The following HMGA2 variants were observed in gnomAD, a reference collection of about 807,000 sequenced individuals.
HMGA2 encodes high mobility group protein HMGI-C.
A neutral mutation model predicts 19.1 loss-of-function variants in HMGA2; 8 were observed. The observed-to-expected ratio is 0.42, with a 90% CI of 0.25 to 0.76. HMGA2 has a LOEUF of 0.76. Ranked by LOEUF, HMGA2 falls within the 30% of genes least tolerant of loss-of-function variation. HMGA2 has a pLI of 0.28. For missense variants in HMGA2, 109 were observed against 136.3 expected (o/e 0.80, Z 1.00); for synonymous variants, 60 against 48.8 (o/e 1.23, Z -0.96).
intron 3 of HMGA2, chr12:65,942,489 ACATT>A (rs995836715): frequency 6.6e-6 from 1 of 152,288 alleles, no homozygotes; most frequent in South Asian, 2.1e-4. Flanking sequence ...TAGGACTGAA[ACATT>A]CATTATTTTC....
chr12:65,916,949 G>T (rs1875124026), intron 3 of HMGA2, among the ~76,000 whole-genome samples: 1 of 152,148 alleles, frequency 6.6e-6, no homozygotes, highest in South Asian at 2.1e-4. Context: ...AATAAAATCT[G>T]GTTTTGACAC....
chr12:65,851,533 C>T, intron 3 of HMGA2: 1 of 303,002 alleles, frequency 3.3e-6, no homozygotes, highest in Non-Finnish European at 6.6e-6. Flanking sequence ...AAAACAAAAA[C>T]CAAGAAATTA....
intron 3 of HMGA2, among the ~76,000 whole-genome samples, chr12:65,917,357 ACAGCTTCCATAAAAG>A (rs1253195314): frequency 6.6e-6 from 1 of 152,194 alleles, no homozygotes; most frequent in Non-Finnish European, 1.5e-5. Context: ...ATGGTGTTTG[ACAGCTTCCATAAAAG>A]CAAATGACAA....
chr12:65,916,425 C>T (rs1875104314), intron 3 of HMGA2, among the ~76,000 whole-genome samples: 1 of 152,146 alleles, frequency 6.6e-6, no homozygotes, highest in Non-Finnish European at 1.5e-5. Flanking sequence ...TTACATTTAT[C>T]TTGTCTGCAT....
chr12:65,903,692 G>A (rs1269648952), intron 3 of HMGA2, among the ~76,000 whole-genome samples: 1 of 152,080 alleles, frequency 6.6e-6, no homozygotes, highest in Non-Finnish European at 1.5e-5. Context: ...CTGTATCCGT[G>A]GACCTACAGA....
intron 3 of HMGA2, among the ~76,000 whole-genome samples, chr12:65,870,039 C>T (rs997870042): frequency 6.6e-6 from 1 of 151,532 alleles, no homozygotes; most frequent in African/African-American, 2.4e-5. Context: ...AAGTAGTGCA[C>T]AATATTCCAG....
At chr12:65,827,060 C>T (rs531993446) in intron 1 of HMGA2, 10 of 152,264 alleles carry the variant, frequency 6.6e-5, no homozygotes, top group African/African-American at 2.4e-4. Context: ...ATAGATGATT[C>T]ACTGGATAAA....
intron 3 of HMGA2, among the ~76,000 whole-genome samples, chr12:65,862,867 T>G (rs1254661459): frequency 6.6e-6 from 1 of 152,208 alleles, no homozygotes; most frequent in Non-Finnish European, 1.5e-5. Flanking sequence ...TGGGGACCAC[T>G]GCACACAAAG....
At chr12:65,870,801 G>A (rs1872672911) in intron 3 of HMGA2, among the ~76,000 whole-genome samples, 1 of 152,216 alleles carries the variant, frequency 6.6e-6, no homozygotes. Flanking sequence ...AAAAGTAGGA[G>A]TAAATCAATG....
chr12:65,918,292 C>T (rs1176830467), intron 3 of HMGA2, among the ~76,000 whole-genome samples: 2 of 152,138 alleles, frequency 1.3e-5, no homozygotes, highest in African/African-American at 4.8e-5. Context: ...AAGGCAGTGT[C>T]GTTCTGGAGG....
chr12:65,839,230 C>A (rs1230049647), intron 3 of HMGA2, among the ~76,000 whole-genome samples: 3 of 152,008 alleles, frequency 2.0e-5, no homozygotes, highest in African/African-American at 7.3e-5. Context: ...GCCAGAAATT[C>A]AGTGGTCACT....
chr12:65,915,433 C>G, intron 3 of HMGA2: 1 of 1,265,468 alleles, frequency 7.9e-7, no homozygotes, highest in Non-Finnish European at 1.0e-6. Context: ...GTGGGCTGAA[C>G]TCCAGTTACT....
chr12:65,937,190 A>T (rs1158453230), intron 3 of HMGA2, among the ~76,000 whole-genome samples: 1 of 152,208 alleles, frequency 6.6e-6, no homozygotes, highest in African/African-American at 2.4e-5. Context: ...ATACCTGCAC[A>T]TCTGGCAATA....
Position 65,825,263 on chromosome 12 carries a change from G to C in HMGA2, c.-8G>C. 3 of 1,526,846 alleles carry C rather than the reference G, an allele frequency of 2.0e-6. No homozygotes were observed. The highest frequency in any genetic ancestry group is 8.8e-7 in the Non-Finnish European group (1 of 1,141,886). The allele number at this position is 1,526,846 out of a possible 1,614,324, so 94.6% of individuals were successfully genotyped here. On this transcript the variant is annotated 5_prime_UTR_variant, in exon 1 of 5. Coordinates refer to ENST00000403681, the MANE Select transcript of HMGA2 (RefSeq NM_003483.6). This position sits in a 1 kb window ranked among gnomAD's most constrained non-coding sequence, Gnocchi z 4.4. ...GCTGCAGCGGCGGTAGCGGCGGCGG[G>C]AGGCAGGATGAGCGCACGCGGTGAG...
chr12:65,828,136 C>T (rs771717232), intron 2 of HMGA2, 49 bp downstream of exon 2: 3 of 1,347,544 alleles, frequency 2.2e-6, no homozygotes, highest in East Asian at 2.3e-5. Context: ...TGACTGACTA[C>T]AGGAGCCTGC....
intron 3 of HMGA2, among the ~76,000 whole-genome samples, chr12:65,948,642 A>C (rs947967096): frequency 5.9e-5 from 9 of 152,262 alleles, no homozygotes; most frequent in African/African-American, 2.2e-4. Context: ...CCTGGCAGCC[A>C]TAACCCCAAC....
At chr12:65,830,435 C>T (rs1273335273) in intron 2 of HMGA2, among the ~76,000 whole-genome samples, 4 of 151,872 alleles carry the variant, frequency 2.6e-5, no homozygotes, top group Admixed American at 2.6e-4. Flanking sequence ...TGAGACTGAC[C>T]AGAATAGATA....
At chr12:65,842,246 C>T (rs1309941646) in intron 3 of HMGA2, 1 of 566,154 alleles carries the variant, frequency 1.8e-6, no homozygotes, top group East Asian at 5.7e-5. Flanking sequence ...GTTTCCTCAT[C>T]TGCAAAAGGT....
At chr12:65,867,054 G>A (rs1405129246) in intron 3 of HMGA2, 1 of 418,700 alleles carries the variant, frequency 2.4e-6, no homozygotes, top group Non-Finnish European at 4.8e-6. Context: ...AGAAAGAGGA[G>A]AGTGTGTGAG....
Sources: allele counts gnomAD v4.1 joint callset (sites outside exome capture counted in the v4.1 genomes callset), GRCh38; gene constraint gnomAD v4.1.1; non-coding constraint Gnocchi (gnomAD v3.1); transcripts MANE v1.5; gene names NCBI Gene and HGNC (gene_info 2026-07-23, HGNC 2026-07-21).